The following CCSER1 variants were observed in gnomAD, a reference collection of about 807,000 sequenced individuals.
CCSER1 encodes the protein coiled-coil serine rich protein 1, also known as serine-rich coiled-coil domain-containing protein 1.
Under a neutral mutation model 82.0 loss-of-function variants are expected in CCSER1, and 41 were observed. The observed-to-expected ratio is 0.50, with a 90% CI of 0.39 to 0.65. The LOEUF is 0.65. Among genes scored for constraint, CCSER1 ranks in the 30% least tolerant of loss-of-function variants. The pLI, the probability that CCSER1 is intolerant of heterozygous loss-of-function variation, is 0.00. For synonymous variants in CCSER1, 414 were observed against 383.9 expected, an observed-to-expected ratio of 1.08 and a Z score of -0.92; for missense variants, 1,119 against 1,064.2, an observed-to-expected ratio of 1.05 and a Z score of -0.72.
At chr4:90,217,725 G>C (rs936412672) in intron 1 of CCSER1, among the ~76,000 whole-genome samples, 2 of 152,074 alleles carry the variant, frequency 1.3e-5, no homozygotes, top group Non-Finnish European at 2.9e-5. Context: ...GATATTGGCT[G>C]TGTGTTTGTT....
At chr4:90,911,259 C>T (rs779785105) in intron 8 of CCSER1, 13 of 455,718 alleles carry the variant, frequency 2.9e-5, no homozygotes, top group Admixed American at 7.1e-5. Context: ...TGATAGCTCC[C>T]GAAAATTTTG....
chr4:90,564,857 C>T (rs1779182991), intron 5 of CCSER1, among the ~76,000 whole-genome samples: 3 of 152,086 alleles, frequency 2.0e-5, no homozygotes, highest in East Asian at 1.9e-4. Context: ...TTTTGGGGCT[C>T]CCTATTCTGT....
chr4:91,285,849 G>A (rs1743236655), intron 10 of CCSER1, among the ~76,000 whole-genome samples: 1 of 151,746 alleles, frequency 6.6e-6, no homozygotes, highest in African/African-American at 2.4e-5. Context: ...AGGAATGAAT[G>A]CTTTTTTTCT....
chr4:91,459,008 A>G (rs139631947), intron 10 of CCSER1, among the ~76,000 whole-genome samples: 18 of 152,216 alleles, frequency 1.2e-4, no homozygotes, highest in Non-Finnish European at 2.6e-4. Context: ...AATGGAACTT[A>G]TGGGTTTTTT....
chr4:90,689,955 C>G (rs1339761317), intron 6 of CCSER1, among the ~76,000 whole-genome samples: 1 of 152,082 alleles, frequency 6.6e-6, no homozygotes, highest in African/African-American at 2.4e-5. Context: ...GAGAGGACAT[C>G]AGTATGCAGG....
chr4:91,049,436 G>C (rs1742808173), intron 9 of CCSER1, among the ~76,000 whole-genome samples: 1 of 152,182 alleles, frequency 6.6e-6, no homozygotes, highest in Non-Finnish European at 1.5e-5. Flanking sequence ...GGCCATTCAA[G>C]TCCAGAGCCT....
At chr4:90,836,205 C>CT (rs928962677) in intron 8 of CCSER1, among the ~76,000 whole-genome samples, 13 of 152,136 alleles carry the variant, frequency 8.5e-5, no homozygotes, top group Non-Finnish European at 1.8e-4. Context: ...ATTCCCTGAT[C>CT]TTTTTAATAA....
Position 90,271,826 on chromosome 4 carries a change from T to TTATA in CCSER1, c.-41-36384_-41-36381dup, listed in dbSNP as rs1189309598. On this transcript the variant is annotated intron_variant, in intron 1 of 10. Transcript: ENST00000509176. ...AAGATACTACCTGAGACTGGACAAT[T>TTATA]TATATATATATATATATATATATAT... Among the ~76,000 whole-genome samples the TTATA allele has an allele frequency of 5.1e-3, 218 of 42,784 alleles. 3 individuals carry two copies. The highest frequency in any genetic ancestry group is 0.013 in the East Asian group (24 of 1,880). The allele number at this position is 42,784 out of a possible 152,430, so 28.1% of individuals were successfully genotyped here.
At chr4:90,564,797 T>G (rs1779180140) in intron 5 of CCSER1, among the ~76,000 whole-genome samples, 1 of 152,126 alleles carries the variant, frequency 6.6e-6, no homozygotes, top group Admixed American at 6.6e-5. Flanking sequence ...CCCTCTTGAG[T>G]ATTCTGGCTC....
intron 10 of CCSER1, among the ~76,000 whole-genome samples, chr4:91,288,095 A>G (rs534272991): frequency 1.9e-3 from 276 of 146,328 alleles, no homozygotes; most frequent in African/African-American, 6.8e-3. Flanking sequence ...TATATATAGG[A>G]TATATATATA....
At chr4:91,387,236 T>C (rs997659841) in intron 10 of CCSER1, among the ~76,000 whole-genome samples, 4 of 151,954 alleles carry the variant, frequency 2.6e-5, no homozygotes, top group Admixed American at 2.0e-4. Context: ...CATACCTTTA[T>C]AAAGAGAGAG....
In CCSER1 at chr4:91,321,825, C is replaced by A. The variant is rs183846855; in HGVS notation, c.2217+235831C>A. On this transcript the variant is annotated intron_variant, in intron 10 of 10. Coordinates refer to ENST00000509176, the MANE Select transcript of CCSER1 (RefSeq NM_001145065.2). ...TCCTCAAAGAAGCCTTCCAAGCTCC[C>A]TTCGATCATTTAAATTTATATTTTA... Among the ~76,000 whole-genome samples the A allele has an allele frequency of 4.0e-4, 61 of 152,054 alleles. 1 individual carries two copies. In the East Asian group the frequency reaches 7.2e-3, roughly 18 times the overall value.
intron 3 of CCSER1, among the ~76,000 whole-genome samples, chr4:90,388,730 G>C (rs543617117): frequency 6.6e-6 from 1 of 151,870 alleles, no homozygotes; most frequent in Non-Finnish European, 1.5e-5. Flanking sequence ...CCATCTCCTC[G>C]GTTCAACGGA....
chr4:91,585,181 A>G (rs1578856879), intron 10 of CCSER1, among the ~76,000 whole-genome samples: 1 of 151,664 alleles, frequency 6.6e-6, no homozygotes, highest in East Asian at 1.9e-4. Context: ...TAAGTTTAAT[A>G]CTAGTAGTTC....
At chr4:91,310,540 C>G (rs893308855) in intron 10 of CCSER1, among the ~76,000 whole-genome samples, 41 of 151,918 alleles carry the variant, frequency 2.7e-4, no homozygotes, top group African/African-American at 9.7e-4. Flanking sequence ...CATGACCATT[C>G]CAGATTCTCT....
intron 8 of CCSER1, among the ~76,000 whole-genome samples, chr4:90,847,014 T>A (rs1763308621): frequency 6.6e-6 from 1 of 152,210 alleles, no homozygotes; most frequent in Admixed American, 6.5e-5. Context: ...CAATGGGGTG[T>A]CTTCGTTCCC....
intron 4 of CCSER1, among the ~76,000 whole-genome samples, chr4:90,442,084 AG>A (rs1759967897): frequency 6.6e-6 from 1 of 152,198 alleles, no homozygotes; most frequent in Admixed American, 6.5e-5. Context: ...GAAGAACAGC[AG>A]TTTTTTTTTA....
intron 10 of CCSER1, among the ~76,000 whole-genome samples, chr4:91,499,843 T>A (rs929810765): frequency 2.0e-5 from 3 of 152,066 alleles, no homozygotes; most frequent in African/African-American, 7.2e-5. Context: ...TAATGTTCCC[T>A]TTCTGGATGT....
At chr4:90,748,793 A>G (rs1216499363) in intron 7 of CCSER1, among the ~76,000 whole-genome samples, 82 of 149,988 alleles carry the variant, frequency 5.5e-4, no homozygotes, top group Admixed American at 1.7e-3. Flanking sequence ...GCCAGTGATG[A>G]TGAGCATTTT....
Sources: allele counts gnomAD v4.1 joint callset (sites outside exome capture counted in the v4.1 genomes callset), GRCh38; gene constraint gnomAD v4.1.1; transcripts MANE v1.5; gene names NCBI Gene and HGNC (gene_info 2026-07-23, HGNC 2026-07-21).